NVL: variants seen among roughly 807,000 people sequenced by gnomAD.
NVL encodes the protein nuclear valosin-containing protein-like.
A neutral mutation model predicts 110.2 loss-of-function variants in NVL; 84 were observed. The observed-to-expected ratio is 0.76, with a 90% CI of 0.64 to 0.91. The LOEUF (loss-of-function observed/expected upper bound fraction) is 0.91, where lower values mean the gene tolerates loss of function less well. NVL is among the 40% of genes least tolerant of loss of function. NVL has a pLI of 0.00. For missense variants in NVL, 882 were observed against 1,035.9 expected (o/e 0.85, Z 2.04); for synonymous variants, 354 against 361.1 (o/e 0.98, Z 0.22).
chr1:224,308,109 GC>G lies in NVL; in HGVS notation c.496del (p.Ala166ProfsTer16). ...KTGSIPLKTP[A>X]KDSEGGWFID... Reference sequence around the variant, plus strand: ...AAACCATCCTCCTTCAGAATCTTTGGCAGGGGTCTTCAAGGGAATGGAGCCT... The same window carrying G: ...AAACCATCCTCCTTCAGAATCTTTGGAGGGGTCTTCAAGGGAATGGAGCCT... On this transcript the variant is annotated frameshift_variant, in exon 6 of 23. Coordinates refer to ENST00000281701, the MANE Select transcript of NVL (RefSeq NM_002533.4). LOFTEE classifies it high-confidence loss of function. 6.2e-7 allele frequency: 1 copy of G among 1,613,544 alleles called. No individual in the cohort carries two copies. The highest frequency in any genetic ancestry group is 8.5e-7 in the Non-Finnish European group (1 of 1,179,850).
rs139621389 is a variant in NVL, at chr1:224,315,022, C to T, written c.284+2672G>A. On this transcript the variant is annotated intron_variant, in intron 4 of 22. Coordinates refer to ENST00000281701, the MANE Select transcript of NVL (RefSeq NM_002533.4). ...GTGAGACTCCATCTCAAAAAAACAA[C>T]GTCAAACAAATACTCTTTACAAATA... 3.8e-3 allele frequency among the ~76,000 whole-genome samples: 575 copies of T among 149,480 alleles called. 3 individuals are homozygous for T. Among genetic ancestry groups the T allele is most frequent in the African/African-American group, 0.013 (539 of 40,642 alleles).
chr1:224,306,046 T>C (rs969470128), intron 6 of NVL, among the ~76,000 whole-genome samples: 3 of 152,230 alleles, frequency 2.0e-5, no homozygotes, highest in African/African-American at 7.2e-5. Context: ...ATCTGACAGC[T>C]GATGATTCAC....
intron 4 of NVL, among the ~76,000 whole-genome samples, chr1:224,316,071 C>T (rs372360950): frequency 6.6e-6 from 1 of 151,836 alleles, no homozygotes; most frequent in South Asian, 2.1e-4. Context: ...AGCATGCACC[C>T]GTATGGGAGA....
intron 2 of NVL, 116 bp from the exon 3 acceptor site, chr1:224,318,046 C>T (rs377708810): frequency 3.2e-6 from 2 of 630,930 alleles, no homozygotes; most frequent in East Asian, 2.9e-5. Context: ...ACAGTATAGA[C>T]ACTTGCCATA....
intron 20 of NVL, among the ~76,000 whole-genome samples, chr1:224,235,246 C>T (rs1389213217): frequency 6.6e-6 from 1 of 152,166 alleles, no homozygotes; most frequent in African/African-American, 2.4e-5. Flanking sequence ...CAGCTCACTG[C>T]AACCTCCACC....
At chr1:224,272,496 T>A (rs1423479078) in intron 17 of NVL, among the ~76,000 whole-genome samples, 1 of 151,840 alleles carries the variant, frequency 6.6e-6, no homozygotes, top group Non-Finnish European at 1.5e-5. Context: ...GGCGAGTGGA[T>A]CACCTGAGGT....
chr1:224,298,331 C>G (rs1344894760), intron 10 of NVL: 1 of 214,726 alleles, frequency 4.7e-6, no homozygotes, highest in East Asian at 1.5e-4. Flanking sequence ...TAACGTTATC[C>G]AGCATGCTGC....
chr1:224,304,703 C>G, intron 8 of NVL, 33 bp downstream of exon 8: 4 of 1,511,370 alleles, frequency 2.6e-6, no homozygotes, highest in Non-Finnish European at 3.7e-6. Context: ...AGTAATATAT[C>G]CATTTGAGGT....
intron 16 of NVL, among the ~76,000 whole-genome samples, chr1:224,278,226 C>CTTTT (rs931102981): frequency 5.6e-4 from 62 of 111,128 alleles, no homozygotes; most frequent in African/African-American, 1.4e-3. Flanking sequence ...ATCATCTAAT[C>CTTTT]TTTTTTTTTT....
intron 22 of NVL, among the ~76,000 whole-genome samples, chr1:224,228,301 G>A (rs1219388923): frequency 6.6e-6 from 1 of 152,028 alleles, no homozygotes; most frequent in Non-Finnish European, 1.5e-5. Context: ...GGCAAAGGCA[G>A]AAGCTTCTTT....
intron 4 of NVL, among the ~76,000 whole-genome samples, chr1:224,315,416 C>T (rs1017835748): frequency 3.3e-5 from 5 of 152,120 alleles, no homozygotes; most frequent in Non-Finnish European, 5.9e-5. Flanking sequence ...TCAACAGATG[C>T]AGAAAAGCAT....
intron 2 of NVL, among the ~76,000 whole-genome samples, chr1:224,318,470 T>A (rs1247042514): frequency 2.6e-5 from 4 of 151,780 alleles, no homozygotes; most frequent in African/African-American, 9.7e-5. Flanking sequence ...GGTATGGTAG[T>A]ACGTGGCTGT....
chr1:224,305,293 T>C (rs1668805398), intron 6 of NVL, 127 bp from the exon 7 acceptor site: 2 of 869,920 alleles, frequency 2.3e-6, no homozygotes, highest in South Asian at 3.6e-5. Context: ...CTGTTAACTA[T>C]TCCCAATCTC....
intron 11 of NVL, among the ~76,000 whole-genome samples, chr1:224,295,908 C>T (rs967360086): frequency 1.4e-4 from 19 of 137,328 alleles, no homozygotes; most frequent in South Asian, 1.1e-3. Context: ...GAGGTTGCAG[C>T]GAGTTGAGAT....
chr1:224,326,314 A>G, intron 2 of NVL, 77 bp downstream of exon 2: 1 of 1,050,938 alleles, frequency 9.5e-7, no homozygotes, highest in Non-Finnish European at 1.4e-6. Flanking sequence ...TCAACTGGAA[A>G]TTTAGGCAGG....
At chr1:224,277,287 A>G (rs1665867137) in intron 16 of NVL, among the ~76,000 whole-genome samples, 1 of 152,228 alleles carries the variant, frequency 6.6e-6, no homozygotes, top group African/African-American at 2.4e-5. Context: ...TATAGCACAC[A>G]GTGTGCAAAT....
chr1:224,313,834 C>G (rs1241344654), intron 4 of NVL, among the ~76,000 whole-genome samples: 1 of 152,098 alleles, frequency 6.6e-6, no homozygotes, highest in Non-Finnish European at 1.5e-5. Flanking sequence ...GAAACCCTGT[C>G]TCTACTAAAC....
chr1:224,231,132 C>T (rs1006872424), intron 22 of NVL, 94 bp downstream of exon 22: 3 of 654,124 alleles, frequency 4.6e-6, no homozygotes, highest in East Asian at 6.3e-5. Context: ...GACTCCGTCT[C>T]AAAAAAAAAA....
At chr1:224,264,752 ATTT>A (rs1553314451) in intron 18 of NVL, among the ~76,000 whole-genome samples, 1 of 111,364 alleles carries the variant, frequency 9.0e-6, no homozygotes, top group African/African-American at 3.0e-5. Flanking sequence ...TATTATTATT[ATTT>A]TTTGAGACAG....
Sources: allele counts gnomAD v4.1 joint callset (sites outside exome capture counted in the v4.1 genomes callset), GRCh38; gene constraint gnomAD v4.1.1; transcripts MANE v1.5; gene names NCBI Gene and HGNC (gene_info 2026-07-23, HGNC 2026-07-21).